Variants in SDK1 observed in about 807,000 individuals in gnomAD.
SDK1 encodes protein sidekick-1.
A neutral mutation model predicts 245.5 loss-of-function variants in SDK1; 157 were observed. That is an observed-to-expected ratio of 0.64 (90% CI 0.56 to 0.73). The LOEUF is 0.73. Among genes scored for constraint, SDK1 ranks in the 30% least tolerant of loss-of-function variants. The pLI, the probability that SDK1 is intolerant of heterozygous loss-of-function variation, is 0.00. For missense variants in SDK1, 3,583 were observed against 3,002.3 expected (o/e 1.19, Z -4.52); for synonymous variants, 1,647 against 1,278.5 (o/e 1.29, Z -6.15).
intron 1 of SDK1, among the ~76,000 whole-genome samples, chr7:3,337,593 T>A (rs746327250): frequency 1.1e-4 from 16 of 152,150 alleles, no homozygotes; most frequent in Non-Finnish European, 1.9e-4. Flanking sequence ...CCAAGACACA[T>A]CCTGATTAAA....
intron 22 of SDK1, among the ~76,000 whole-genome samples, chr7:4,107,056 C>A (rs972318522): frequency 3.3e-5 from 5 of 150,858 alleles, no homozygotes; most frequent in African/African-American, 4.9e-5. Context: ...CGCCCAGGAC[C>A]CCAGCGTTCC....
At chr7:3,472,142 A>G (rs1583908768) in intron 1 of SDK1, among the ~76,000 whole-genome samples, 1 of 152,220 alleles carries the variant, frequency 6.6e-6, no homozygotes, top group South Asian at 2.1e-4. Context: ...GTAAATGCAT[A>G]GTTCCCTCCA....
chr7:4,090,269 T>A (rs893229729), intron 22 of SDK1, among the ~76,000 whole-genome samples: 2 of 152,230 alleles, frequency 1.3e-5, no homozygotes, highest in African/African-American at 4.8e-5. Flanking sequence ...CATTTCTCTT[T>A]CCAGTCTCAT....
chr7:3,577,044 T>C (rs1011851782), intron 1 of SDK1, among the ~76,000 whole-genome samples: 2 of 151,912 alleles, frequency 1.3e-5, no homozygotes, highest in Non-Finnish European at 1.5e-5. Flanking sequence ...CATGACTCCT[T>C]ATGCCCAATC....
Position 3,836,430 on chromosome 7 carries a change from C to A in SDK1, c.847+14847C>A, listed in dbSNP as rs185349627. 1.3e-3 allele frequency among the ~76,000 whole-genome samples: 198 copies of A among 152,250 alleles called. 1 individual carries two copies. Among genetic ancestry groups the A allele is most frequent in the African/African-American group, 4.6e-3 (193 of 41,528 alleles). On this transcript the variant is annotated intron_variant, in intron 5 of 44. Coordinates refer to ENST00000404826, the MANE Select transcript of SDK1 (RefSeq NM_152744.4). ...AGATACCCATTCATTAATTCATTGA[C>A]TCAAGATGTATTTACTGAGTGTTCA...
chr7:3,616,266 G>A (rs1781768148), intron 1 of SDK1, among the ~76,000 whole-genome samples: 1 of 152,080 alleles, frequency 6.6e-6, no homozygotes, highest in Non-Finnish European at 1.5e-5. Context: ...TATAAATAGG[G>A]TGATCACACA....
chr7:3,496,925 T>C (rs1264298933), intron 1 of SDK1, among the ~76,000 whole-genome samples: 8 of 152,320 alleles, frequency 5.3e-5, no homozygotes, highest in African/African-American at 1.7e-4. Context: ...CCTGATTTAA[T>C]TGTGGTTGTG....
chr7:3,521,541 G>A (rs79926077), intron 1 of SDK1, among the ~76,000 whole-genome samples: 3,415 of 152,302 alleles, frequency 0.022, 56 homozygotes, highest in Admixed American at 0.061. Context: ...CTTGTGATAA[G>A]CACTTATGTT....
chr7:4,100,318 G>T (rs1782451372), intron 22 of SDK1, among the ~76,000 whole-genome samples: 1 of 152,184 alleles, frequency 6.6e-6, no homozygotes. Context: ...CCAGGAGAAG[G>T]GCTTTATGAA....
chr7:3,398,712 T>A (rs1468309549), intron 1 of SDK1, among the ~76,000 whole-genome samples: 1 of 151,786 alleles, frequency 6.6e-6, no homozygotes, highest in East Asian at 1.9e-4. Flanking sequence ...ATAGTGGGAC[T>A]TCTGGGGGTA....
At chr7:3,772,477 C>A (rs1163347084) in intron 4 of SDK1, among the ~76,000 whole-genome samples, 1 of 151,984 alleles carries the variant, frequency 6.6e-6, no homozygotes, top group Non-Finnish European at 1.5e-5. Context: ...ATGCATTAGC[C>A]TTTTAAATAA....
chr7:3,464,299 A>G (rs68149641), intron 1 of SDK1, among the ~76,000 whole-genome samples: 25,849 of 152,118 alleles, frequency 0.17, 2,371 homozygotes, highest in African/African-American at 0.24. Flanking sequence ...CAAGGCGGGA[A>G]CATTGCTTGA....
At chr7:3,856,228 AG>A (rs1049083604) in intron 5 of SDK1, among the ~76,000 whole-genome samples, 4 of 152,166 alleles carry the variant, frequency 2.6e-5, no homozygotes, top group African/African-American at 9.6e-5. Context: ...TAAAAATTTA[AG>A]GGTAGCTAGT....
At chr7:3,503,158 C>T (rs1315341830) in intron 1 of SDK1, among the ~76,000 whole-genome samples, 1 of 152,062 alleles carries the variant, frequency 6.6e-6, no homozygotes, top group African/African-American at 2.4e-5. Flanking sequence ...AGTATTATCA[C>T]AAAATATTTA....
intron 5 of SDK1, among the ~76,000 whole-genome samples, chr7:3,939,922 A>T (rs909528607): frequency 1.3e-5 from 2 of 152,254 alleles, no homozygotes; most frequent in African/African-American, 4.8e-5. Context: ...ACCTGATTTT[A>T]AGTGAAGTGT....
chr7:3,577,020 T>TG (rs2128631388), intron 1 of SDK1, among the ~76,000 whole-genome samples: 1 of 152,100 alleles, frequency 6.6e-6, no homozygotes, highest in African/African-American at 2.4e-5. Context: ...GATGCCCTTG[T>TG]GGCCACCCCC....
chr7:3,881,068 CT>C (rs1054360902), intron 5 of SDK1, among the ~76,000 whole-genome samples: 12 of 149,314 alleles, frequency 8.0e-5, no homozygotes, highest in South Asian at 2.1e-4. Context: ...CACAAACATT[CT>C]TTTTTTTTTA....
chr7:3,692,002 C>A (rs985425670), intron 4 of SDK1, among the ~76,000 whole-genome samples: 4 of 152,082 alleles, frequency 2.6e-5, no homozygotes, highest in African/African-American at 9.7e-5. Context: ...CTTACTCATT[C>A]ATGAGTATTC....
chr7:3,703,089 C>T (rs549767393), intron 4 of SDK1, among the ~76,000 whole-genome samples: 15 of 151,096 alleles, frequency 9.9e-5, no homozygotes, highest in Middle Eastern at 3.5e-3. Flanking sequence ...AAATGTATGC[C>T]GACGATACGA....
Sources: gnomAD v4.1 joint callset for allele counts (sites outside exome capture counted in the v4.1 genomes callset) on GRCh38, gnomAD v4.1.1 for gene constraint, MANE v1.5 for transcripts, NCBI Gene and HGNC (gene_info 2026-07-23, HGNC 2026-07-21) for gene names.